BMERB1: variants seen among roughly 807,000 people sequenced by gnomAD.
BMERB1 encodes the protein bMERB domain-containing protein 1.
A neutral mutation model predicts 23.6 loss-of-function variants in BMERB1; 12 were observed. That is an observed-to-expected ratio of 0.51 (90% CI 0.33 to 0.82). The LOEUF is 0.82. Ranked by LOEUF, BMERB1 falls within the 40% of genes least tolerant of loss-of-function variation. The pLI, the probability that BMERB1 is intolerant of heterozygous loss-of-function variation, is 0.03. For synonymous variants in BMERB1, 122 were observed against 96.6 expected, an observed-to-expected ratio of 1.26 and a Z score of -1.54; for missense variants, 247 against 255.4, an observed-to-expected ratio of 0.97 and a Z score of 0.22.
intron 1 of BMERB1, among the ~76,000 whole-genome samples, chr16:15,470,825 CTTTTTTTTTT>C (rs35873574): frequency 1.8e-3 from 88 of 49,388 alleles, no homozygotes; most frequent in Admixed American, 2.7e-3. Context: ...CACCTGGCCT[CTTTTTTTTTT>C]TTTTTTTTTT....
intron 2 of BMERB1, among the ~76,000 whole-genome samples, chr16:15,535,130 G>T (rs978588345): frequency 6.6e-6 from 1 of 151,812 alleles, no homozygotes; most frequent in Non-Finnish European, 1.5e-5. Flanking sequence ...TGGGAGGATC[G>T]CTTGAGCCTA....
intron 2 of BMERB1, among the ~76,000 whole-genome samples, chr16:15,549,687 A>AG (rs1325795013): frequency 6.6e-6 from 1 of 152,072 alleles, no homozygotes; most frequent in African/African-American, 2.4e-5. Context: ...AAAAAAAAAA[A>AG]AAAAAATTCC....
At chr16:15,522,825 G>A (rs2051869810) in intron 2 of BMERB1, among the ~76,000 whole-genome samples, 1 of 152,164 alleles carries the variant, frequency 6.6e-6, no homozygotes, top group Admixed American at 6.5e-5. Flanking sequence ...GTCTAGGGGT[G>A]GATGTTTACA....
intron 1 of BMERB1, among the ~76,000 whole-genome samples, chr16:15,435,997 C>G (rs2050884901): frequency 6.6e-6 from 1 of 151,880 alleles, no homozygotes; most frequent in South Asian, 2.1e-4. Context: ...TGACTTGGTG[C>G]TTTGGCATAA....
chr16:15,570,358 G>C (rs1306558810), intron 3 of BMERB1, among the ~76,000 whole-genome samples: 3 of 152,184 alleles, frequency 2.0e-5, no homozygotes, highest in Non-Finnish European at 4.4e-5. Flanking sequence ...AGTGCAGCAT[G>C]ATGAGCCTTA....
In BMERB1 at chr16:15,581,248, A is replaced by C; in HGVS notation, c.336A>C (p.Arg112Ser). 6.2e-7 allele frequency: 1 copy of C among 1,613,878 alleles called. No individual in the cohort carries two copies. The highest frequency in any genetic ancestry group is 1.1e-5 in the South Asian group (1 of 90,946). ...EKEKTKLQKQ[R>S]EDELIQKIHK... ...AAAAAACCAAACTGCAGAAGCAGAG[A>C]GAGGATGAGCTAATCCAGAAGATCC... Residue 112 changes from arginine to serine, a missense_variant, in exon 4 of 6, where the codon AGA becomes AGC. Arg to Ser is a moderately radical substitution (Grantham distance 110, BLOSUM62 -1). Transcript: ENST00000300006.
intron 2 of BMERB1, among the ~76,000 whole-genome samples, chr16:15,526,212 C>G (rs1220039060): frequency 2.0e-5 from 3 of 152,070 alleles, no homozygotes; most frequent in Non-Finnish European, 4.4e-5. Flanking sequence ...ACATGAGCAT[C>G]AGGAGGCATG....
chr16:15,531,098 G>A (rs1205949962), intron 2 of BMERB1, among the ~76,000 whole-genome samples: 4 of 151,690 alleles, frequency 2.6e-5, no homozygotes, highest in South Asian at 2.1e-4. Flanking sequence ...TAGTAGAGAC[G>A]GGGTTTCACT....
chr16:15,453,971 C>G (rs1174564277), intron 1 of BMERB1, among the ~76,000 whole-genome samples: 1 of 152,066 alleles, frequency 6.6e-6, no homozygotes, highest in African/African-American at 2.4e-5. Context: ...TTCCCCTTTC[C>G]TTCCTCTCCT....
At position 15,587,177 on chromosome 16, in the gene BMERB1, T is replaced by C; in HGVS notation, c.*348T>C. On this transcript the variant is annotated 3_prime_UTR_variant, in exon 6 of 6. Transcript: ENST00000300006. ...GTGTGAATGAACTGGGAGAGGGGCA[T>C]GCTCCCCAGCTGTGTGTAGTCGTGA... is the stretch of plus-strand genomic sequence containing the variant. The C allele has an allele frequency of 3.5e-6, 1 of 282,158 alleles. No homozygotes were observed. Among genetic ancestry groups the C allele is most frequent in the South Asian group, 4.4e-5 (1 of 22,766 alleles). 17.5% of individuals were successfully genotyped at this position (282,158 alleles called of 1,614,324 possible).
In BMERB1 at chr16:15,573,863, C is replaced by T. The variant is rs372961616; in HGVS notation, c.304+5807C>T. Among the ~76,000 whole-genome samples, 13 of 127,374 alleles carry T rather than the reference C, an allele frequency of 1.0e-4. No individual in the cohort carries two copies. In the South Asian group the frequency reaches 3.3e-3, roughly 32 times the overall value. 83.6% of individuals were successfully genotyped at this position (127,374 alleles called of 152,430 possible). On this transcript the variant is annotated intron_variant, in intron 3 of 5. Transcript: ENST00000300006. The stretch of plus-strand genomic sequence containing the variant: ...GAAACTTACAATCATGGTGGAAGGT[C>T]AAGGAGAAGCAAGGCACTCTCTTCA...
chr16:15,494,039 C>T (rs1468218619), intron 1 of BMERB1, among the ~76,000 whole-genome samples: 3 of 152,086 alleles, frequency 2.0e-5, no homozygotes, highest in Non-Finnish European at 2.9e-5. Context: ...ATTAGGGAGT[C>T]GGTTAAGATG....
At chr16:15,498,042 T>C (rs2051491569) in intron 1 of BMERB1, among the ~76,000 whole-genome samples, 1 of 152,180 alleles carries the variant, frequency 6.6e-6, no homozygotes, top group Non-Finnish European at 1.5e-5. Context: ...GAGATAGATG[T>C]TATCATTATC....
intron 1 of BMERB1, among the ~76,000 whole-genome samples, chr16:15,449,940 T>TG (rs752773541): frequency 3.3e-5 from 5 of 151,686 alleles, no homozygotes; most frequent in Non-Finnish European, 5.9e-5. Context: ...TTGGTAGAGA[T>TG]GGGGTCTCAC....
chr16:15,456,126 C>G (rs531044814), intron 1 of BMERB1, among the ~76,000 whole-genome samples: 4 of 152,238 alleles, frequency 2.6e-5, no homozygotes, highest in African/African-American at 9.6e-5. Context: ...GTAGAAAGTA[C>G]TTTCTACTTC....
intron 1 of BMERB1, among the ~76,000 whole-genome samples, chr16:15,498,906 G>C (rs2051500630): frequency 1.3e-5 from 2 of 152,242 alleles, no homozygotes; most frequent in Admixed American, 6.5e-5. Flanking sequence ...CCAGCACAAA[G>C]AAGCGTCCAA....
chr16:15,558,775 T>C (rs1339417650), intron 2 of BMERB1, among the ~76,000 whole-genome samples: 2 of 151,492 alleles, frequency 1.3e-5, no homozygotes, highest in Admixed American at 1.3e-4. Flanking sequence ...TAAGACCAGC[T>C]AGAAGTAAGT....
intron 2 of BMERB1, among the ~76,000 whole-genome samples, chr16:15,558,685 T>C (rs546816485): frequency 2.4e-4 from 36 of 151,570 alleles, no homozygotes; most frequent in African/African-American, 8.5e-4. Flanking sequence ...CATAATGACA[T>C]ATAGTGACAT....
chr16:15,492,789 C>T (rs987147533), intron 1 of BMERB1, among the ~76,000 whole-genome samples: 9 of 152,150 alleles, frequency 5.9e-5, no homozygotes, highest in African/African-American at 2.2e-4. Flanking sequence ...CATGGTGGCA[C>T]ACACCTGTAG....
Sources: allele counts gnomAD v4.1 joint callset (sites outside exome capture counted in the v4.1 genomes callset), GRCh38; gene constraint gnomAD v4.1.1; transcripts MANE v1.5; gene names NCBI Gene and HGNC (gene_info 2026-07-23, HGNC 2026-07-21).